Variants in DRAM1 observed in about 807,000 individuals in gnomAD.
The protein encoded by DRAM1 is DNA damage-regulated autophagy modulator protein 1.
A neutral mutation model predicts 28.5 loss-of-function variants in DRAM1; 25 were observed. The observed-to-expected ratio is 0.88, with a 90% CI of 0.64 to 1.23. The LOEUF (loss-of-function observed/expected upper bound fraction) is 1.23. Ranked by LOEUF, DRAM1 falls within the 50% of genes most tolerant of loss-of-function variation. The pLI is 0.00. For missense variants in DRAM1, 249 were observed against 299.2 expected (o/e 0.83, Z 1.24); for synonymous variants, 113 against 114.2 (o/e 0.99, Z 0.07).
intron 1 of DRAM1, among the ~76,000 whole-genome samples, chr12:101,885,525 CTTTTTT>C (rs11342964): frequency 1.0e-5 from 1 of 96,402 alleles, no homozygotes; most frequent in East Asian, 3.3e-4. Context: ...TCCCACTGGA[CTTTTTT>C]TTTTTTTTTT....
At chr12:101,889,526 A>G (rs1458955614) in intron 1 of DRAM1, among the ~76,000 whole-genome samples, 2 of 152,178 alleles carry the variant, frequency 1.3e-5, no homozygotes, top group African/African-American at 4.8e-5. Flanking sequence ...AAAGGAAGGA[A>G]GGAAGGAAGG....
intron 5 of DRAM1, among the ~76,000 whole-genome samples, chr12:101,919,657 C>T (rs1009937461): frequency 2.6e-5 from 4 of 152,190 alleles, no homozygotes; most frequent in African/African-American, 9.7e-5. Context: ...ACCTAGGGGA[C>T]TAGTTGGCCA....
intron 4 of DRAM1, among the ~76,000 whole-genome samples, chr12:101,913,433 C>A (rs956865666): frequency 1.3e-5 from 2 of 151,958 alleles, no homozygotes. Flanking sequence ...AGGCCGGGCA[C>A]GGTGGCTCAT....
chr12:101,907,816 A>G (rs529097124), intron 3 of DRAM1, among the ~76,000 whole-genome samples: 4 of 152,312 alleles, frequency 2.6e-5, no homozygotes, highest in Admixed American at 2.6e-4. Context: ...TGCAAGACTG[A>G]GATGATTATG....
chr12:101,881,298 G>A lies in DRAM1; in HGVS notation c.131+3378G>A, dbSNP rs190628513. On this transcript the variant is annotated intron_variant, in intron 1 of 6. Transcript: ENST00000258534. ...CTTTCTCAAAAAAATGAAAGAACCAGACATAGAGAAGTGATAACTCTACAT... is the reference window on the plus strand; with the variant it reads ...CTTTCTCAAAAAAATGAAAGAACCAAACATAGAGAAGTGATAACTCTACAT... Among the ~76,000 whole-genome samples, 396 of 152,198 alleles carry A rather than the reference G, an allele frequency of 2.6e-3. 1 individual carries two copies. The highest frequency in any genetic ancestry group is 0.01 in the Middle Eastern group (3 of 294).
chr12:101,906,465 G>C (rs377355596), intron 3 of DRAM1, among the ~76,000 whole-genome samples: 2 of 152,150 alleles, frequency 1.3e-5, no homozygotes, highest in African/African-American at 4.8e-5. Flanking sequence ...ACTTTAACTT[G>C]CCCTTTGCAA....
At chr12:101,914,688 C>T (rs1307191074) in intron 5 of DRAM1, among the ~76,000 whole-genome samples, 1 of 151,988 alleles carries the variant, frequency 6.6e-6, no homozygotes, top group South Asian at 2.1e-4. Context: ...GACAGAGTCT[C>T]GCTCTGTCAC....
intron 4 of DRAM1, among the ~76,000 whole-genome samples, chr12:101,911,331 G>A (rs553863689): frequency 1.3e-5 from 2 of 152,292 alleles, no homozygotes; most frequent in South Asian, 4.1e-4. Context: ...AGAAACCGAG[G>A]CACCTAGTGA....
At chr12:101,906,712 C>T (rs570285740) in intron 3 of DRAM1, among the ~76,000 whole-genome samples, 2 of 151,950 alleles carry the variant, frequency 1.3e-5, no homozygotes, top group African/African-American at 4.8e-5. Context: ...AAAATTAGCT[C>T]AGCGTGGTGG....
At chr12:101,894,260 G>C (rs1248888938) in intron 1 of DRAM1, among the ~76,000 whole-genome samples, 1 of 152,080 alleles carries the variant, frequency 6.6e-6, no homozygotes, top group Non-Finnish European at 1.5e-5. Flanking sequence ...TGGGATTACA[G>C]GCATGCACCA....
intron 4 of DRAM1, among the ~76,000 whole-genome samples, chr12:101,910,284 A>C (rs1411174006): frequency 6.6e-6 from 1 of 152,150 alleles, no homozygotes; most frequent in African/African-American, 2.4e-5. Context: ...ATCTCCTTCA[A>C]CATTTTATCT....
Position 101,922,077 on chromosome 12 carries a change from A to G in DRAM1, c.*817A>G, listed in dbSNP as rs1874506270. ...AGTCTGACTCAGAACTGAAGCTCAC[A>G]TCTCAAATTCATTTCATGCCAGTAA... On this transcript the variant is annotated 3_prime_UTR_variant, in exon 7 of 7. Coordinates refer to ENST00000258534, the MANE Select transcript of DRAM1 (RefSeq NM_018370.3). 6.6e-6 allele frequency: 1 copy of G among 152,236 alleles called. No homozygotes were observed. Among genetic ancestry groups the G allele is most frequent in the South Asian group, 2.1e-4 (1 of 4,826 alleles). 9.4% of individuals were successfully genotyped at this position (152,236 alleles called of 1,614,324 possible). A position where few individuals can be genotyped will look rare whatever the true frequency, so the allele number is the denominator to read the frequency against.
intron 1 of DRAM1, 117 bp downstream of exon 1, chr12:101,878,037 A>T: frequency 7.6e-7 from 1 of 1,307,414 alleles, no homozygotes; most frequent in Non-Finnish European, 9.9e-7. Flanking sequence ...GGTCAGGCAG[A>T]GGTGGGAGCA....
chr12:101,879,087 C>T (rs182831908), intron 1 of DRAM1, among the ~76,000 whole-genome samples: 20 of 152,118 alleles, frequency 1.3e-4, no homozygotes, highest in African/African-American at 3.4e-4. Flanking sequence ...CTCTGCCTCC[C>T]GGGTTCAAGC....
chr12:101,917,524 TA>T (rs201758425), intron 5 of DRAM1, among the ~76,000 whole-genome samples: 27,645 of 145,392 alleles, frequency 0.19, 2,654 homozygotes, highest in East Asian at 0.35. Context: ...CTGTCTGTAC[TA>T]AAAAAAAAAA....
chr12:101,916,664 C>T (rs1485627617), intron 5 of DRAM1, among the ~76,000 whole-genome samples: 1 of 152,150 alleles, frequency 6.6e-6, no homozygotes, highest in East Asian at 1.9e-4. Flanking sequence ...ACAGAGGATT[C>T]TTTCCCCCAA....
intron 1 of DRAM1, among the ~76,000 whole-genome samples, chr12:101,893,149 A>G (rs1873202451): frequency 1.3e-5 from 2 of 152,176 alleles, no homozygotes; most frequent in South Asian, 2.1e-4. Context: ...CCTAGTTTAC[A>G]TCTTTCTGGT....
At chr12:101,912,533 G>A (rs138053918) in intron 4 of DRAM1, among the ~76,000 whole-genome samples, 1,526 of 152,212 alleles carry the variant, frequency 0.01, 20 homozygotes, top group African/African-American at 0.035. Flanking sequence ...ATAAATAAAC[G>A]AAATAATTAA....
At chr12:101,891,155 T>A (rs1025856118) in intron 1 of DRAM1, among the ~76,000 whole-genome samples, 7 of 151,922 alleles carry the variant, frequency 4.6e-5, no homozygotes, top group African/African-American at 1.7e-4. Flanking sequence ...TATTCCGTAC[T>A]TATCCCTTTT....
Sources: gnomAD v4.1 joint callset for allele counts (sites outside exome capture counted in the v4.1 genomes callset) on GRCh38, gnomAD v4.1.1 for gene constraint, MANE v1.5 for transcripts, NCBI Gene and HGNC (gene_info 2026-07-23, HGNC 2026-07-21) for gene names.